The following RBFOX3 variants were observed in gnomAD, a reference collection of about 807,000 sequenced individuals.
RBFOX3 encodes RNA binding protein fox-1 homolog 3.
In RBFOX3, 17 loss-of-function variants were observed where a neutral mutation model predicts 48.7. The ratio of observed to expected loss-of-function variants is 0.35; its 90% CI spans 0.24 to 0.52. The LOEUF (loss-of-function observed/expected upper bound fraction) is 0.52, where lower values mean the gene tolerates loss of function less well. Among genes scored for constraint, RBFOX3 ranks in the 20% least tolerant of loss-of-function variants. The pLI, the probability that RBFOX3 is intolerant of heterozygous loss-of-function variation, is 0.94. For missense variants in RBFOX3, 382 were observed against 497.5 expected, an observed-to-expected ratio of 0.77 and a Z score of 2.21; for synonymous variants, 212 against 209.5, an observed-to-expected ratio of 1.01 and a Z score of -0.10.
At chr17:79,417,616 G>A (rs1249879659) in intron 2 of RBFOX3, among the ~76,000 whole-genome samples, 2 of 152,216 alleles carry the variant, frequency 1.3e-5, no homozygotes, top group Non-Finnish European at 2.9e-5. Flanking sequence ...CTCATGCATT[G>A]CTGGTGGGAA....
the RBFOX3 span, among the ~76,000 whole-genome samples, chr17:79,662,515 C>G: frequency 2.0e-5 from 3 of 152,134 alleles, no homozygotes; most frequent in African/African-American, 4.8e-5. Context: ...CCCTCCTTAA[C>G]GGGACCGCCT....
chr17:79,354,253 C>T (rs1308488482), intron 2 of RBFOX3, among the ~76,000 whole-genome samples: 1 of 152,160 alleles, frequency 6.6e-6, no homozygotes, highest in African/African-American at 2.4e-5. Flanking sequence ...AGACGCAGGC[C>T]CACCATTCTA....
chr17:79,177,845 CAG>C (rs2050937862), intron 4 of RBFOX3, among the ~76,000 whole-genome samples: 1 of 152,210 alleles, frequency 6.6e-6, no homozygotes, highest in Non-Finnish European at 1.5e-5. Flanking sequence ...CAATCAAGCG[CAG>C]AGTTAGCTGC....
chr17:79,457,192 G>A (rs1478828969), intron 2 of RBFOX3, among the ~76,000 whole-genome samples: 1 of 152,230 alleles, frequency 6.6e-6, no homozygotes, highest in African/African-American at 2.4e-5. Context: ...CCAGCATGGA[G>A]TAGGGCCTTG....
chr17:79,635,561 C>T, the RBFOX3 span, among the ~76,000 whole-genome samples: 1 of 152,116 alleles, frequency 6.6e-6, no homozygotes, highest in Non-Finnish European at 1.5e-5. Flanking sequence ...TGGTTAAATG[C>T]TGTGTAAAAC....
intron 1 of RBFOX3, among the ~76,000 whole-genome samples, chr17:79,579,201 A>G (rs1032689602): frequency 6.6e-6 from 1 of 151,068 alleles, no homozygotes; most frequent in Non-Finnish European, 1.5e-5. Context: ...GGAGGCACAG[A>G]CCCGACTGGG....
intron 2 of RBFOX3, among the ~76,000 whole-genome samples, chr17:79,399,203 T>TA (rs949201828): frequency 1.7e-4 from 26 of 151,644 alleles, no homozygotes; most frequent in South Asian, 4.2e-4. Context: ...TCCAGAATGT[T>TA]AAAAAAAAAT....
At chr17:79,467,691 T>C (rs2076499733) in intron 2 of RBFOX3, among the ~76,000 whole-genome samples, 1 of 152,132 alleles carries the variant, frequency 6.6e-6, no homozygotes. Context: ...AGTGCCAGCG[T>C]CCCTGGAACG....
At chr17:79,547,619 T>G (rs1555792315) in intron 1 of RBFOX3, among the ~76,000 whole-genome samples, 1 of 151,972 alleles carries the variant, frequency 6.6e-6, no homozygotes, top group Non-Finnish European at 1.5e-5. Context: ...CCAGCACACA[T>G]GAGAATTGTG....
chr17:79,306,377 A>C (rs2076101048), intron 3 of RBFOX3, among the ~76,000 whole-genome samples: 1 of 152,256 alleles, frequency 6.6e-6, no homozygotes, highest in African/African-American at 2.4e-5. Context: ...CATGGCCCGC[A>C]CGCGTGTGAC....
chr17:79,356,367 T>TTTTTTTTTTTTTG (rs2085070886), intron 2 of RBFOX3, among the ~76,000 whole-genome samples: 6 of 76,998 alleles, frequency 7.8e-5, no homozygotes, highest in African/African-American at 2.8e-4. Context: ...TTTTTTTTTT[T>TTTTTTTTTTTTTG]TTTTTTTTTT....
At chr17:79,282,916 T>C (rs1484744532) in intron 3 of RBFOX3, among the ~76,000 whole-genome samples, 1 of 152,360 alleles carries the variant, frequency 6.6e-6, no homozygotes, top group East Asian at 1.9e-4. Flanking sequence ...CAGCAGCATC[T>C]TTGAAGTGGT....
chr17:79,437,046 C>A lies in RBFOX3; in HGVS notation c.-175+45408G>T, dbSNP rs150192468. Among the ~76,000 whole-genome samples the A allele has an allele frequency of 1.6e-4, 25 of 152,306 alleles. 1 individual carries two copies. The East Asian group carries it at 4.6e-3, about 28-fold the overall frequency. On this transcript the variant is annotated intron_variant, in intron 2 of 14. Transcript: ENST00000693108. ...CTGAGGCTGAATAATTTCAATCAGC[C>A]TACAGGCCGCCCCGATTCCCTTCTC... is the stretch of plus-strand genomic sequence containing the variant.
intron 2 of RBFOX3, among the ~76,000 whole-genome samples, chr17:79,340,299 A>G (rs951766465): frequency 1.8e-5 from 1 of 55,642 alleles, no homozygotes; most frequent in Non-Finnish European, 4.5e-5. Context: ...ACTCCATCTC[A>G]AAAAAAAAAA....
chr17:79,565,838 G>A (rs2092434352), intron 1 of RBFOX3, among the ~76,000 whole-genome samples: 2 of 152,112 alleles, frequency 1.3e-5, no homozygotes, highest in South Asian at 4.1e-4. Context: ...CTGCATTTTG[G>A]ATGCAGCTCT....
chr17:79,524,601 G>A (rs1328114414), intron 1 of RBFOX3, among the ~76,000 whole-genome samples: 6 of 152,160 alleles, frequency 3.9e-5, no homozygotes, highest in African/African-American at 1.4e-4. Context: ...GTGCAGAACT[G>A]GGGGCTGGAT....
At chr17:79,645,211 C>T in the RBFOX3 span, among the ~76,000 whole-genome samples, 119 of 152,278 alleles carry the variant, frequency 7.8e-4, 1 homozygote, top group East Asian at 0.021. Context: ...TTCTTTCGCT[C>T]ATTCTTAGGT....
intron 5 of RBFOX3, among the ~76,000 whole-genome samples, chr17:79,109,714 A>G (rs1042056021): frequency 6.6e-6 from 1 of 152,176 alleles, no homozygotes; most frequent in Non-Finnish European, 1.5e-5. Context: ...GAGTCATCCC[A>G]GATTCAGGAA....
At chr17:79,558,263 G>A (rs2091926292) in intron 1 of RBFOX3, among the ~76,000 whole-genome samples, 1 of 152,210 alleles carries the variant, frequency 6.6e-6, no homozygotes, top group African/African-American at 2.4e-5. Flanking sequence ...TGAGGGGCCT[G>A]GCGCAGGAGC....
Sources: gnomAD v4.1 joint callset for allele counts (sites outside exome capture counted in the v4.1 genomes callset) on GRCh38, gnomAD v4.1.1 for gene constraint, MANE v1.5 for transcripts, NCBI Gene and HGNC (gene_info 2026-07-23, HGNC 2026-07-21) for gene names.